SRCIN1: variants seen among roughly 807,000 people sequenced by gnomAD.
The protein encoded by SRCIN1 is SRC kinase signaling inhibitor 1.
SRCIN1 carries 50 observed loss-of-function variants against 116.2 expected under a neutral mutation model. The ratio of observed to expected loss-of-function variants is 0.43; its 90% CI spans 0.34 to 0.54. The LOEUF (loss-of-function observed/expected upper bound fraction) is 0.54, where lower values mean the gene tolerates loss of function less well. SRCIN1 is among the 20% of genes least tolerant of loss of function. SRCIN1 has a pLI of 0.02. For synonymous variants in SRCIN1, 736 were observed against 750.0 expected, an observed-to-expected ratio of 0.98 and a Z score of 0.30; for missense variants, 1,446 against 1,672.0, an observed-to-expected ratio of 0.86 and a Z score of 2.36.
chr17:38,558,382 C>T lies in SRCIN1; in HGVS notation c.2046G>A (p.Val682=), dbSNP rs111949283. 4 of 1,603,898 alleles carry T rather than the reference C, an allele frequency of 2.5e-6. No homozygotes were observed. The highest frequency in any genetic ancestry group is 1.7e-5 in the Admixed American group (1 of 59,658). ...RKLQLQNQES[V]RALLKRTEAE... ...CCTCCGTGCGCTTCAGCAGCGCGCG[C>T]ACCGACTCCTGGTTCTGTAGCTGCG... The change falls in exon 11 of 19, where the codon GTG becomes GTA. Residue 682 remains valine, a synonymous_variant. Transcript: ENST00000617146. This position sits in a 1 kb window ranked among gnomAD's most constrained non-coding sequence, Gnocchi z 4.6.
At chr17:38,535,948 C>T (rs992870868) in intron 18 of SRCIN1, among the ~76,000 whole-genome samples, 5 of 152,156 alleles carry the variant, frequency 3.3e-5, no homozygotes, top group Admixed American at 3.3e-4. Context: ...TTTTCAAGAG[C>T]CTCATTCTAT....
Position 38,558,155 on chromosome 17 carries a change from CCCAGGGAAACCAGGTTG to C in SRCIN1, c.2201+55_2201+71del. On this transcript the variant is annotated intron_variant, in intron 11 of 18. Transcript: ENST00000617146. The surrounding 1 kb of genome is among the most constrained non-coding windows in gnomAD (Gnocchi z 4.6). The stretch of plus-strand genomic sequence containing the variant: ...ACTCAGAGGGAAGGGAGCTGCGCCT[CCCAGGGAAACCAGGTTG>C]CGGGTCACTCCAGCCGCACCCCCAC... The C allele has an allele frequency of 3.9e-6, 6 of 1,554,778 alleles. No homozygotes were observed. Among genetic ancestry groups the C allele is most frequent in the Non-Finnish European group, 5.3e-6 (6 of 1,142,012 alleles).
Position 38,562,731 on chromosome 17 carries a change from A to G in SRCIN1, c.834+96T>C. 2.4e-5 allele frequency: 26 copies of G among 1,099,960 alleles called. No homozygotes were observed. Among genetic ancestry groups the G allele is most frequent in the Non-Finnish European group, 3.5e-5 (26 of 749,356 alleles). The allele number at this position is 1,099,960 out of a possible 1,614,324, so 68.1% of individuals were successfully genotyped here. A position where few individuals can be genotyped will look rare whatever the true frequency, so the allele number is the denominator to read the frequency against. On this transcript the variant is annotated intron_variant, in intron 6 of 18. Coordinates refer to ENST00000617146, the MANE Select transcript of SRCIN1 (RefSeq NM_025248.3). This position sits in a 1 kb window ranked among gnomAD's most constrained non-coding sequence, Gnocchi z 4.2. ...TCAGCCCCTATGCTGTCTTCTCCAA[A>G]GCTGGCCCTGGTTCCAGATGACAAC...
At chr17:38,564,434 C>A (rs1906545412) in intron 3 of SRCIN1, 121 bp from the exon 4 acceptor site, 1 of 1,030,336 alleles carries the variant, frequency 9.7e-7, no homozygotes, top group Admixed American at 2.6e-5. Flanking sequence ...ACACAGATTA[C>A]AGACTCCCAC....
At chr17:38,545,520 T>C (rs1905024656) in intron 17 of SRCIN1, 1 of 152,682 alleles carries the variant, frequency 6.5e-6, no homozygotes, top group South Asian at 2.1e-4. Context: ...CAAGCTAAAA[T>C]GGGTGTTACA....
At chr17:38,591,652 G>T (rs995265942) in intron 1 of SRCIN1, among the ~76,000 whole-genome samples, 1 of 152,210 alleles carries the variant, frequency 6.6e-6, no homozygotes, top group African/African-American at 2.4e-5. Context: ...CTTGCCTCCT[G>T]CTCCTAACGC....
At chr17:38,599,375 G>A (rs112047239) in intron 1 of SRCIN1, among the ~76,000 whole-genome samples, 29 of 152,038 alleles carry the variant, frequency 1.9e-4, no homozygotes, top group African/African-American at 6.3e-4. Flanking sequence ...TCCCTCTCCC[G>A]GAGCACTGGA....
At chr17:38,590,385 GC>G (rs1483757776) in intron 1 of SRCIN1, among the ~76,000 whole-genome samples, 4 of 152,176 alleles carry the variant, frequency 2.6e-5, no homozygotes, top group Non-Finnish European at 5.9e-5. Context: ...ACAGGCCCGT[GC>G]CACCACACCT....
At chr17:38,599,912 C>T (rs1313913258) in intron 1 of SRCIN1, among the ~76,000 whole-genome samples, 1 of 152,228 alleles carries the variant, frequency 6.6e-6, no homozygotes, top group Non-Finnish European at 1.5e-5. Flanking sequence ...CAGGCTTAGA[C>T]TTCTCTAAGG....
At chr17:38,593,159 T>C (rs1349613674) in intron 1 of SRCIN1, among the ~76,000 whole-genome samples, 1 of 151,006 alleles carries the variant, frequency 6.6e-6, no homozygotes, top group Non-Finnish European at 1.5e-5. Context: ...CCAGAGGCGG[T>C]TGTTGGGGAA....
At chr17:38,551,559 C>CTACCCATGGGGATG in intron 14 of SRCIN1, 170 bp from the exon 15 acceptor site, 1 of 664,648 alleles carries the variant, frequency 1.5e-6, no homozygotes, top group Non-Finnish European at 2.5e-6. Flanking sequence ...ACATGGCATC[C>CTACCCATGGGGATG]CCATGGGTAG....
At chr17:38,581,482 A>T (rs1275629962) in intron 1 of SRCIN1, among the ~76,000 whole-genome samples, 78 of 133,616 alleles carry the variant, frequency 5.8e-4, no homozygotes, top group African/African-American at 1.6e-3. Context: ...TTTTTTTTTT[A>T]AATACCTTTA....
chr17:38,578,421 G>A (rs1023527226), intron 2 of SRCIN1, 69 bp downstream of exon 2: 45 of 1,480,814 alleles, frequency 3.0e-5, no homozygotes, highest in Non-Finnish European at 3.9e-5. Context: ...CACGGAGCAC[G>A]GGGTCAGACC....
At chr17:38,574,802 C>CA (rs55707518) in intron 2 of SRCIN1, 3,434 of 334,732 alleles carry the variant, frequency 0.01, no homozygotes, top group East Asian at 0.012. Context: ...ATCCCCCCTC[C>CA]AAAAAAAAAA....
At position 38,581,250 on chromosome 17, in the gene SRCIN1, C is replaced by CA. The variant is rs1297442702; in HGVS notation, c.23-2460dup. ...TGAAACCCCATCTCTACTAAAAATA[C>CA]AAAAAATTAGCCGGGAGTGATAGTG... On this transcript the variant is annotated intron_variant, in intron 1 of 18. Coordinates refer to ENST00000617146, the MANE Select transcript of SRCIN1 (RefSeq NM_025248.3). Among the ~76,000 whole-genome samples the CA allele has an allele frequency of 3.3e-5, 5 of 151,988 alleles. No homozygotes were observed. In the East Asian group the frequency reaches 9.7e-4, roughly 29 times the overall value.
At chr17:38,598,534 G>GC (rs1414985656) in intron 1 of SRCIN1, among the ~76,000 whole-genome samples, 2 of 152,056 alleles carry the variant, frequency 1.3e-5, no homozygotes, top group African/African-American at 2.4e-5. Flanking sequence ...GAGTCTGGGG[G>GC]CCCCTCTATG....
rs1909323113 is a variant in SRCIN1, at chr17:38,605,725, C to A, written c.-20G>T. On this transcript the variant is annotated 5_prime_UTR_variant, in exon 1 of 19. Transcript: ENST00000617146. ...CCCCATCGGGCGGGGGCGCGGGGGGCGGGGGCCCCGGGCCGGCCTGCCTGG... is the reference window on the plus strand; with the variant it reads ...CCCCATCGGGCGGGGGCGCGGGGGGAGGGGGCCCCGGGCCGGCCTGCCTGG... 1 of 1,075,576 alleles carries A rather than the reference C, an allele frequency of 9.3e-7. No homozygotes were observed. Among genetic ancestry groups the A allele is most frequent in the Non-Finnish European group, 1.2e-6 (1 of 855,314 alleles). The allele number at this position is 1,075,576 out of a possible 1,614,324, so 66.6% of individuals were successfully genotyped here.
rs1446897770 is a variant in SRCIN1, at chr17:38,543,976, G to A, written c.3271-7C>T. On this transcript the variant is annotated splice_polypyrimidine_tract_variant and splice_region_variant and intron_variant, in intron 17 of 18. Transcript: ENST00000617146. ...GTACACTGCCTCCGCCACTCTGCAG[G>A]AAGAGGAACAGGGTTGCAGTTGCAG... is the stretch of plus-strand genomic sequence containing the variant. 3 of 1,577,116 alleles carry A rather than the reference G, an allele frequency of 1.9e-6. No individual in the cohort carries two copies. The Admixed American group carries it at 5.4e-5, about 28-fold the overall frequency.
rs2040920970 is a variant in SRCIN1 at position 38,531,422 on chromosome 17, A to C, written c.*1875T>G. Reference sequence around the variant, plus strand: ...TTTTCTTTTTTAAATATTTATATATATTTATATTACGTATATTATATATAT... The same window carrying C: ...TTTTCTTTTTTAAATATTTATATATCTTTATATTACGTATATTATATATAT... On this transcript the variant is annotated 3_prime_UTR_variant, in exon 19 of 19. Coordinates refer to ENST00000617146, the MANE Select transcript of SRCIN1 (RefSeq NM_025248.3). The C allele has an allele frequency of 6.9e-6, 1 of 144,826 alleles. No individual in the cohort carries two copies. Among genetic ancestry groups the C allele is most frequent in the Admixed American group, 7.0e-5 (1 of 14,298 alleles). 9.0% of individuals were successfully genotyped at this position (144,826 alleles called of 1,614,324 possible).
Sources: allele counts gnomAD v4.1 joint callset (sites outside exome capture counted in the v4.1 genomes callset), GRCh38; gene constraint gnomAD v4.1.1; non-coding constraint Gnocchi (gnomAD v3.1); transcripts MANE v1.5; gene names NCBI Gene and HGNC (gene_info 2026-07-23, HGNC 2026-07-21).